CAP2: variants seen among roughly 807,000 people sequenced by gnomAD.
CAP2 encodes the protein adenylyl cyclase-associated protein 2.
In CAP2, 24 loss-of-function variants were observed where a neutral mutation model predicts 57.7. That is an observed-to-expected ratio of 0.42 (90% CI 0.30 to 0.58). The LOEUF (loss-of-function observed/expected upper bound fraction) is 0.58, where lower values mean the gene tolerates loss of function less well. CAP2 is among the 20% of genes least tolerant of loss of function. CAP2 has a pLI of 0.22. For missense variants in CAP2, 501 were observed against 590.3 expected, an observed-to-expected ratio of 0.85 and a Z score of 1.57; for synonymous variants, 194 against 207.2, an observed-to-expected ratio of 0.94 and a Z score of 0.55.
intron 4 of CAP2, among the ~76,000 whole-genome samples, chr6:17,485,915 G>A (rs75338257): frequency 0.015 from 2,298 of 152,342 alleles, 57 homozygotes; most frequent in African/African-American, 0.051. Flanking sequence ...CATCCTGTTT[G>A]TGTTCCCACA....
At chr6:17,491,280 T>C (rs1761534885) in intron 4 of CAP2, among the ~76,000 whole-genome samples, 1 of 152,106 alleles carries the variant, frequency 6.6e-6, no homozygotes, top group African/African-American at 2.4e-5. Context: ...TGACCTAAGT[T>C]TCCACCCCAT....
chr6:17,532,105 C>G (rs1407077209), intron 7 of CAP2, among the ~76,000 whole-genome samples: 1 of 147,740 alleles, frequency 6.8e-6, no homozygotes, highest in Non-Finnish European at 1.5e-5. Context: ...ACCAAATTCT[C>G]TACTACCTCT....
chr6:17,428,858 A>C (rs1759655830), intron 3 of CAP2, among the ~76,000 whole-genome samples: 1 of 152,148 alleles, frequency 6.6e-6, no homozygotes, highest in Non-Finnish European at 1.5e-5. Context: ...ACCCAACACC[A>C]GTCTCCCAGG....
chr6:17,434,559 G>T (rs1222010488), intron 3 of CAP2, among the ~76,000 whole-genome samples: 1 of 152,104 alleles, frequency 6.6e-6, no homozygotes, highest in East Asian at 1.9e-4. Flanking sequence ...ATGTTTGCAT[G>T]GGTTAAAAAA....
chr6:17,506,971 C>T (rs1378796355), intron 4 of CAP2, among the ~76,000 whole-genome samples, 198 bp from the exon 5 acceptor site: 1 of 152,194 alleles, frequency 6.6e-6, no homozygotes. Flanking sequence ...CTGCAATTTT[C>T]ATACTTCAGA....
chr6:17,465,493 A>T (rs1025878703), intron 4 of CAP2, among the ~76,000 whole-genome samples: 3 of 152,210 alleles, frequency 2.0e-5, no homozygotes, highest in Non-Finnish European at 2.9e-5. Flanking sequence ...CAGGCTTATG[A>T]TGCCTACCTC....
chr6:17,397,094 C>T (rs1220540887), intron 1 of CAP2, among the ~76,000 whole-genome samples: 1 of 152,118 alleles, frequency 6.6e-6, no homozygotes, highest in Non-Finnish European at 1.5e-5. Context: ...GAGTCTCTCT[C>T]TGTCGCCCAG....
At chr6:17,493,436 T>C (rs1235814186) in intron 4 of CAP2, 10 of 327,176 alleles carry the variant, frequency 3.1e-5, no homozygotes, top group Admixed American at 1.7e-4. Flanking sequence ...CAAAAATAAT[T>C]TCACCGCCAA....
Position 17,441,068 on chromosome 6 carries a change from T to C in CAP2, c.222+14378T>C, listed in dbSNP as rs544085112. Among the ~76,000 whole-genome samples the C allele has an allele frequency of 2.0e-5, 3 of 151,684 alleles. No homozygotes were observed. The South Asian group carries it at 6.2e-4, about 32-fold the overall frequency. Reference sequence around the variant, plus strand: ...TTTTTAAGCAAGAAGATTGTTGAATTTTTTTCAAAGGTCTTTTTCAGCATC... The same window carrying C: ...TTTTTAAGCAAGAAGATTGTTGAATCTTTTTCAAAGGTCTTTTTCAGCATC... On this transcript the variant is annotated intron_variant, in intron 3 of 12. Transcript: ENST00000229922.
intron 7 of CAP2, among the ~76,000 whole-genome samples, chr6:17,527,344 T>C (rs1298044586): frequency 2.0e-5 from 3 of 152,220 alleles, no homozygotes; most frequent in Non-Finnish European, 4.4e-5. Context: ...ATGAGTATAC[T>C]CTGCTATCTT....
chr6:17,456,530 G>A (rs1453484255), intron 3 of CAP2, among the ~76,000 whole-genome samples: 2 of 152,054 alleles, frequency 1.3e-5, no homozygotes, highest in Non-Finnish European at 2.9e-5. Context: ...GTAGAGTAGA[G>A]GACCCTAAAC....
chr6:17,552,827 G>A (rs1055465765), intron 12 of CAP2, among the ~76,000 whole-genome samples: 4 of 152,072 alleles, frequency 2.6e-5, no homozygotes, highest in African/African-American at 7.2e-5. Flanking sequence ...TTGAGCAGAC[G>A]GTGTGACTGC....
At chr6:17,535,750 A>G (rs910177586) in intron 7 of CAP2, among the ~76,000 whole-genome samples, 5 of 152,198 alleles carry the variant, frequency 3.3e-5, no homozygotes, top group African/African-American at 9.7e-5. Context: ...ATTTCAGTAC[A>G]GTCCCAGTAA....
At chr6:17,401,409 G>A (rs1033922091) in intron 1 of CAP2, among the ~76,000 whole-genome samples, 2 of 152,166 alleles carry the variant, frequency 1.3e-5, no homozygotes, top group African/African-American at 4.8e-5. Flanking sequence ...TTTTGTTACA[G>A]CAGCCTGAAA....
intron 2 of CAP2, among the ~76,000 whole-genome samples, chr6:17,424,300 T>A (rs1218262816): frequency 1.3e-5 from 2 of 152,050 alleles, no homozygotes; most frequent in African/African-American, 4.8e-5. Context: ...CTCGGGAGGC[T>A]GAGGCAGGAA....
At chr6:17,554,871 G>C (rs73722970) in intron 12 of CAP2, among the ~76,000 whole-genome samples, 6,456 of 152,252 alleles carry the variant, frequency 0.042, 227 homozygotes, top group African/African-American at 0.094. Context: ...TCACTGTCTG[G>C]GAAAGCAGAG....
intron 4 of CAP2, among the ~76,000 whole-genome samples, chr6:17,465,585 C>A (rs1760841899): frequency 6.6e-6 from 1 of 152,112 alleles, no homozygotes; most frequent in African/African-American, 2.4e-5. Flanking sequence ...GAAAAGCAGA[C>A]CTGAGTGATC....
chr6:17,422,512 G>A (rs1008804931), intron 2 of CAP2, among the ~76,000 whole-genome samples: 20 of 151,880 alleles, frequency 1.3e-4, no homozygotes, highest in African/African-American at 4.6e-4. Context: ...ACCACGCCCA[G>A]CTAATTTTTT....
intron 3 of CAP2, among the ~76,000 whole-genome samples, chr6:17,439,687 A>T (rs565160340): frequency 6.6e-6 from 1 of 151,608 alleles, no homozygotes; most frequent in Admixed American, 6.5e-5. Flanking sequence ...CACAACCTAG[A>T]TCCCTCGCGT....
Sources: gnomAD v4.1 joint callset for allele counts (sites outside exome capture counted in the v4.1 genomes callset) on GRCh38, gnomAD v4.1.1 for gene constraint, MANE v1.5 for transcripts, NCBI Gene and HGNC (gene_info 2026-07-23, HGNC 2026-07-21) for gene names.